The following PSD3 variants were observed in gnomAD, a reference collection of about 807,000 sequenced individuals.
The protein encoded by PSD3 is pleckstrin and Sec7 domain containing 3, also known as PH and SEC7 domain-containing protein 3.
PSD3 carries 49 observed loss-of-function variants against 105.5 expected under a neutral mutation model. The ratio of observed to expected loss-of-function variants is 0.46; its 90% CI spans 0.37 to 0.59. The LOEUF is 0.59. PSD3 is among the 20% of genes least tolerant of loss of function. The probability of loss-of-function intolerance (pLI) is 0.00; values close to 1 mark genes in which losing one functional copy is unlikely to be tolerated. For missense variants in PSD3, 1,561 were observed against 1,263.8 expected, an observed-to-expected ratio of 1.24 and a Z score of -3.57; for synonymous variants, 557 against 457.8, an observed-to-expected ratio of 1.22 and a Z score of -2.77.
At chr8:18,687,529 AT>A (rs1465981516) in intron 9 of PSD3, among the ~76,000 whole-genome samples, 1 of 151,396 alleles carries the variant, frequency 6.6e-6, no homozygotes, top group Non-Finnish European at 1.5e-5. Flanking sequence ...ATACGAAATG[AT>A]TTCCCCCCTA....
At chr8:19,075,847 A>G (rs147715684) in intron 1 of PSD3, among the ~76,000 whole-genome samples, 44 of 152,366 alleles carry the variant, frequency 2.9e-4, no homozygotes, top group Middle Eastern at 3.4e-3. Context: ...TGTTGTATGG[A>G]TTATAAAGGA....
chr8:18,884,436 A>C (rs577104766), intron 2 of PSD3, among the ~76,000 whole-genome samples: 4 of 152,320 alleles, frequency 2.6e-5, no homozygotes, highest in Admixed American at 2.6e-4. Context: ...ATAACGGAAA[A>C]ATGAATATGA....
At chr8:18,600,689 G>C (rs1048168430) in intron 11 of PSD3, among the ~76,000 whole-genome samples, 3 of 152,108 alleles carry the variant, frequency 2.0e-5, no homozygotes, top group Non-Finnish European at 2.9e-5. Context: ...TGAAACACAA[G>C]GCAATAACTT....
At chr8:18,854,662 G>C (rs1050185580) in intron 4 of PSD3, among the ~76,000 whole-genome samples, 1 of 152,108 alleles carries the variant, frequency 6.6e-6, no homozygotes, top group African/African-American at 2.4e-5. Context: ...CTAAAGAAAT[G>C]ACTGAAATAG....
intron 11 of PSD3, among the ~76,000 whole-genome samples, chr8:18,608,405 C>A (rs866719239): frequency 1.3e-5 from 2 of 152,116 alleles, no homozygotes; most frequent in Admixed American, 6.6e-5. Context: ...GTGAATGAAA[C>A]CAACAAGCTG....
chr8:18,913,086 A>ACAAACACAC (rs1820350128), intron 2 of PSD3, among the ~76,000 whole-genome samples: 3 of 130,464 alleles, frequency 2.3e-5, no homozygotes, highest in Non-Finnish European at 4.9e-5. Context: ...CACACACACA[A>ACAAACACAC]ACACACACAC....
chr8:18,818,351 C>G (rs1359104200), intron 4 of PSD3, among the ~76,000 whole-genome samples: 1 of 150,756 alleles, frequency 6.6e-6, no homozygotes, highest in Non-Finnish European at 1.5e-5. Flanking sequence ...AAGTAGGGAG[C>G]TACTTTTTTT....
At chr8:18,910,637 T>TAAAAAAA (rs34392783) in intron 2 of PSD3, among the ~76,000 whole-genome samples, 15 of 97,094 alleles carry the variant, frequency 1.5e-4, no homozygotes, top group Admixed American at 2.2e-4. Context: ...TAGAGTATAA[T>TAAAAAAA]AAAAAAAAAA....
At chr8:18,825,931 G>A (rs1025298998) in intron 4 of PSD3, among the ~76,000 whole-genome samples, 7 of 152,194 alleles carry the variant, frequency 4.6e-5, no homozygotes, top group Non-Finnish European at 7.3e-5. Context: ...AGGATATCTA[G>A]ACACCTGGTT....
At chr8:18,625,100 C>T (rs1205731875) in intron 11 of PSD3, among the ~76,000 whole-genome samples, 1 of 151,728 alleles carries the variant, frequency 6.6e-6, no homozygotes, top group Non-Finnish European at 1.5e-5. Context: ...CCCACATGTT[C>T]TTCTAAAAAT....
At chr8:18,564,840 G>T (rs1193227694) in intron 14 of PSD3, among the ~76,000 whole-genome samples, 5 of 151,960 alleles carry the variant, frequency 3.3e-5, no homozygotes, top group Non-Finnish European at 5.9e-5. Flanking sequence ...GAGGGGTGGG[G>T]GTTACTTCAG....
intron 4 of PSD3, among the ~76,000 whole-genome samples, chr8:18,862,138 C>T (rs1816499802): frequency 6.6e-6 from 1 of 152,136 alleles, no homozygotes; most frequent in African/African-American, 2.4e-5. Flanking sequence ...CATTGTTAGG[C>T]CACTTGACTT....
intron 10 of PSD3, among the ~76,000 whole-genome samples, chr8:18,639,743 T>A (rs545923002): frequency 6.6e-6 from 1 of 152,312 alleles, no homozygotes; most frequent in African/African-American, 2.4e-5. Flanking sequence ...TCTGGGTTTT[T>A]AAAGCCCATT....
At chr8:18,813,027 G>C (rs1360349720) in intron 4 of PSD3, among the ~76,000 whole-genome samples, 2 of 152,134 alleles carry the variant, frequency 1.3e-5, no homozygotes, top group South Asian at 2.1e-4. Context: ...AGCTACAAAA[G>C]GTATCAGAAT....
chr8:18,614,339 A>AG (rs1805491698), intron 11 of PSD3, among the ~76,000 whole-genome samples: 1 of 77,282 alleles, frequency 1.3e-5, no homozygotes, highest in Admixed American at 1.3e-4. Flanking sequence ...CTTCTCCCCC[A>AG]TCCCCCCCCC....
rs188476539 is a variant in PSD3, at chr8:18,912,512, A to T, written c.130+23522T>A. ...ATATATTCTTTGAAGGAAAACCTAA[A>T]AATCTTTAATTTAGATATCTTTAAT... is the stretch of plus-strand genomic sequence containing the variant. On this transcript the variant is annotated intron_variant, in intron 2 of 15. Coordinates refer to ENST00000327040, the MANE Select transcript of PSD3 (RefSeq NM_015310.4). Among the ~76,000 whole-genome samples, 14 of 152,350 alleles carry T rather than the reference A, an allele frequency of 9.2e-5. No homozygotes were observed. The East Asian group carries it at 2.3e-3, about 25-fold the overall frequency.
intron 1 of PSD3, among the ~76,000 whole-genome samples, chr8:18,987,741 C>CTACATAGGAGGCTG (rs1825582244): frequency 6.6e-6 from 1 of 151,968 alleles, no homozygotes; most frequent in African/African-American, 2.4e-5. Flanking sequence ...ATCACCTGAG[C>CTACATAGGAGGCTG]CCAAGAGGCA....
At position 18,733,548 on chromosome 8, in the gene PSD3, G is replaced by C. The variant is rs1435923623; in HGVS notation, c.2172+31901C>G. The C allele has an allele frequency of 4.6e-5, 7 of 152,764 alleles. No homozygotes were observed. The South Asian group carries it at 1.5e-3, about 32-fold the overall frequency. 9.5% of individuals were successfully genotyped at this position (152,764 alleles called of 1,614,324 possible). A position where few individuals can be genotyped will look rare whatever the true frequency, so the allele number is the denominator to read the frequency against. On this transcript the variant is annotated intron_variant, in intron 9 of 15. Coordinates refer to ENST00000327040, the MANE Select transcript of PSD3 (RefSeq NM_015310.4). ...GCAGATGGGTTTGCCCAGCAAAGTGGAGATGTGATGAGATTATTCTGAGTC... is the reference window on the plus strand; with the variant it reads ...GCAGATGGGTTTGCCCAGCAAAGTGCAGATGTGATGAGATTATTCTGAGTC...
At chr8:18,932,588 C>T (rs769665593) in intron 2 of PSD3, among the ~76,000 whole-genome samples, 1 of 152,172 alleles carries the variant, frequency 6.6e-6, no homozygotes, top group Non-Finnish European at 1.5e-5. Flanking sequence ...GATTTTTAAT[C>T]GGATTCTAAA....
Sources: gnomAD v4.1 joint callset for allele counts (sites outside exome capture counted in the v4.1 genomes callset) on GRCh38, gnomAD v4.1.1 for gene constraint, MANE v1.5 for transcripts, NCBI Gene and HGNC (gene_info 2026-07-23, HGNC 2026-07-21) for gene names.